The following ZBTB25 variants were observed in gnomAD, a reference collection of about 807,000 sequenced individuals.
ZBTB25 encodes zinc finger and BTB domain-containing protein 25.
Under a neutral mutation model 34.2 loss-of-function variants are expected in ZBTB25, and 20 were observed. The observed-to-expected ratio is 0.58, with a 90% confidence interval of 0.41 to 0.85. ZBTB25 has a LOEUF of 0.85. Among genes scored for constraint, ZBTB25 ranks in the 40% least tolerant of loss-of-function variants. The probability of loss-of-function intolerance (pLI) is 0.00; values close to 1 mark genes in which losing one functional copy is unlikely to be tolerated. For synonymous variants in ZBTB25, 175 were observed against 186.4 expected (o/e 0.94, Z 0.50); for missense variants, 437 against 521.8 (o/e 0.84, Z 1.58).
rs2079043102 is a variant in ZBTB25, at chr14:64,490,549, A to G, written c.-7-9T>C. On this transcript the variant is annotated splice_polypyrimidine_tract_variant and intron_variant, in intron 1 of 2. Coordinates refer to ENST00000608382, the MANE Select transcript of ZBTB25 (RefSeq NM_006977.5). ...CAGTGTCCATTGTGGTTCTGAAAAAAAGGACAAGATAAATGTAGATAGGTG... is the reference window on the plus strand; with the variant it reads ...CAGTGTCCATTGTGGTTCTGAAAAAGAGGACAAGATAAATGTAGATAGGTG... 1.2e-6 allele frequency: 2 copies of G among 1,606,420 alleles called. No individual in the cohort carries two copies. Among genetic ancestry groups the G allele is most frequent in the Non-Finnish European group, 1.7e-6 (2 of 1,175,728 alleles).
chr14:64,455,190 AC>A (rs1252158374), intron 2 of ZBTB25: 1 of 381,840 alleles, frequency 2.6e-6, no homozygotes, highest in African/African-American at 2.1e-5. Context: ...GGTAGTGCTA[AC>A]ATAATCACAG....
At chr14:64,464,739 G>A (rs948599702) in intron 2 of ZBTB25, among the ~76,000 whole-genome samples, 1 of 152,276 alleles carries the variant, frequency 6.6e-6, no homozygotes, top group Middle Eastern at 3.4e-3. Context: ...CATAGGGAAT[G>A]TCCTGAAGGG....
At chr14:64,458,462 G>A in intron 2 of ZBTB25, 1 of 688,436 alleles carries the variant, frequency 1.5e-6, no homozygotes, top group South Asian at 1.6e-5. Flanking sequence ...AGTAATGAGA[G>A]TTGGCAATAA....
intron 1 of ZBTB25, among the ~76,000 whole-genome samples, chr14:64,493,966 G>C (rs936084885): frequency 6.6e-6 from 1 of 152,132 alleles, no homozygotes; most frequent in African/African-American, 2.4e-5. Flanking sequence ...GCAGGACAGG[G>C]CTCTAGAGAG....
At chr14:64,501,984 T>C (rs970196377) in intron 1 of ZBTB25, among the ~76,000 whole-genome samples, 11 of 152,168 alleles carry the variant, frequency 7.2e-5, no homozygotes, top group Admixed American at 5.2e-4. Context: ...ACAGCACTGA[T>C]TGGACTTGAG....
intron 2 of ZBTB25, chr14:64,461,340 C>A (rs2078552037): frequency 6.6e-6 from 1 of 152,284 alleles, no homozygotes; most frequent in African/African-American, 2.4e-5. Flanking sequence ...CAGTGCAGAG[C>A]CCCAGCTCTA....
intron 2 of ZBTB25, chr14:64,469,851 C>T (rs1378944756): frequency 1.8e-6 from 1 of 545,562 alleles, no homozygotes; most frequent in South Asian, 3.1e-5. Context: ...AACTCTACCA[C>T]TGAAATGCAG....
At chr14:64,463,639 AAAG>A (rs199679896) in intron 2 of ZBTB25, among the ~76,000 whole-genome samples, 6,249 of 151,204 alleles carry the variant, frequency 0.041, 411 homozygotes, top group African/African-American at 0.14. Flanking sequence ...AAAAAAAAAA[AAAG>A]AAGAAGAACC....
chr14:64,469,262 A>G, intron 2 of ZBTB25: 1 of 1,613,736 alleles, frequency 6.2e-7, no homozygotes, highest in Non-Finnish European at 8.5e-7. Flanking sequence ...AAGTGCACCA[A>G]ATGGAAAAGA....
At chr14:64,469,271 G>C (rs531409007) in intron 2 of ZBTB25, 1 of 1,613,536 alleles carries the variant, frequency 6.2e-7, no homozygotes, top group African/African-American at 1.3e-5. Context: ...AAATGGAAAA[G>C]ACTATGAAAG....
chr14:64,454,928 G>A, intron 2 of ZBTB25: 2 of 1,589,696 alleles, frequency 1.3e-6, no homozygotes, highest in African/African-American at 1.3e-5. Flanking sequence ...CTCGTCTGAA[G>A]TGTGTTGCCG....
rs2078815252 is a variant in ZBTB25 at position 64,483,243 on chromosome 14, T to G, written c.*3680A>C. 6.6e-6 allele frequency: 1 copy of G among 152,178 alleles called. No individual in the cohort carries two copies. Among genetic ancestry groups the G allele is most frequent in the African/African-American group, 2.4e-5 (1 of 41,432 alleles). The allele number at this position is 152,178 out of a possible 1,614,324, so 9.4% of individuals were successfully genotyped here. On this transcript the variant is annotated 3_prime_UTR_variant, in exon 3 of 3. Transcript: ENST00000608382. ...TGGCTAACAGTATAGCTCCATTTTG[T>G]GGAGATGTAGTCAAAAAATAAAGGT...
At position 64,479,132 on chromosome 14, in the gene ZBTB25, C is replaced by G. The variant is rs942213680; in HGVS notation, c.*7791G>C. The G allele has an allele frequency of 2.8e-4, 42 of 152,174 alleles. No individual in the cohort carries two copies. Among genetic ancestry groups the G allele is most frequent in the African/African-American group, 1.0e-3 (42 of 41,436 alleles). 9.4% of individuals were successfully genotyped at this position (152,174 alleles called of 1,614,324 possible). A position where few individuals can be genotyped will look rare whatever the true frequency, so the allele number is the denominator to read the frequency against. On this transcript the variant is annotated 3_prime_UTR_variant, in exon 3 of 3. Coordinates refer to ENST00000608382, the MANE Select transcript of ZBTB25 (RefSeq NM_006977.5). ...CACATCTCATACTCCAATACTTGCTCTAAACATGACTAGAATAGAAATCCC... is the reference window on the plus strand; with the variant it reads ...CACATCTCATACTCCAATACTTGCTGTAAACATGACTAGAATAGAAATCCC...
upstream of ZBTB25, chr14:64,504,038 G>C (rs779584018): frequency 6.6e-6 from 1 of 152,328 alleles, no homozygotes; most frequent in Non-Finnish European, 1.5e-5. Flanking sequence ...GTGACCCGGG[G>C]ACTTTCCCCA....
intron 2 of ZBTB25, chr14:64,453,786 A>C (rs1267155615): frequency 6.2e-7 from 1 of 1,612,706 alleles, no homozygotes; most frequent in East Asian, 2.2e-5. Flanking sequence ...GGATCATTGC[A>C]CAGAAGATCT....
In ZBTB25 at chr14:64,483,885, A is replaced by T. The variant is rs997335112; in HGVS notation, c.*3038T>A. The T allele has an allele frequency of 7.5e-6, 1 of 133,034 alleles. No individual in the cohort carries two copies. The highest frequency in any genetic ancestry group is 2.8e-5 in the African/African-American group (1 of 35,168). 8.2% of individuals were successfully genotyped at this position (133,034 alleles called of 1,614,324 possible). ...CTTGAATTCGAGAGGCGGAGGTTGC[A>T]GTGAGCTGAGATTGCACCACTGCAC... On this transcript the variant is annotated 3_prime_UTR_variant, in exon 3 of 3. Transcript: ENST00000608382.
intron 2 of ZBTB25, among the ~76,000 whole-genome samples, chr14:64,452,718 TAATC>T (rs975205054): frequency 2.6e-5 from 4 of 152,214 alleles, no homozygotes; most frequent in African/African-American, 9.7e-5. Context: ...TGCTTGCACT[TAATC>T]AATTGTGTTA....
intron 2 of ZBTB25, among the ~76,000 whole-genome samples, chr14:64,455,909 A>T (rs983534029): frequency 1.3e-5 from 2 of 152,204 alleles, no homozygotes; most frequent in East Asian, 3.9e-4. Flanking sequence ...TTAGCTCTCT[A>T]TAGAGAGCAG....
chr14:64,454,795 G>A, intron 2 of ZBTB25: 2 of 1,614,122 alleles, frequency 1.2e-6, no homozygotes, highest in Non-Finnish European at 1.7e-6. Flanking sequence ...GCAAAAAGGT[G>A]TCCCTACAGG....
Sources: gnomAD v4.1 joint callset for allele counts (sites outside exome capture counted in the v4.1 genomes callset) on GRCh38, gnomAD v4.1.1 for gene constraint, MANE v1.5 for transcripts, NCBI Gene and HGNC (gene_info 2026-07-23, HGNC 2026-07-21) for gene names.